Variants in DLG2 observed in about 807,000 individuals in gnomAD.
DLG2 encodes disks large homolog 2.
A neutral mutation model predicts 132.5 loss-of-function variants in DLG2; 45 were observed. That is an observed-to-expected ratio of 0.34 (90% CI 0.27 to 0.44). DLG2 has a LOEUF of 0.44. DLG2 is among the 20% of genes least tolerant of loss of function. The probability of loss-of-function intolerance (pLI) is 1.00; values close to 1 mark genes in which losing one functional copy is unlikely to be tolerated. For missense variants in DLG2, 1,045 were observed against 1,196.9 expected (o/e 0.87, Z 1.87); for synonymous variants, 424 against 419.6 (o/e 1.01, Z -0.13).
chr11:83,986,990 T>C (rs1388008994), intron 11 of DLG2, among the ~76,000 whole-genome samples: 2 of 152,112 alleles, frequency 1.3e-5, no homozygotes, highest in Non-Finnish European at 1.5e-5. Context: ...GTTGCGAAAA[T>C]TTTCTCCCAT....
intron 6 of DLG2, among the ~76,000 whole-genome samples, chr11:85,034,165 C>T (rs1380867720): frequency 1.3e-5 from 2 of 151,790 alleles, no homozygotes; most frequent in African/African-American, 4.8e-5. Context: ...GCAAGCTCCA[C>T]CTCCCAGGTT....
chr11:85,473,529 A>G (rs1408769835), intron 3 of DLG2, among the ~76,000 whole-genome samples: 1 of 152,214 alleles, frequency 6.6e-6, no homozygotes, highest in African/African-American at 2.4e-5. Context: ...GACCAGAGTG[A>G]AGAAATAAAT....
At chr11:84,857,123 C>T (rs896008023) in intron 6 of DLG2, among the ~76,000 whole-genome samples, 1 of 151,186 alleles carries the variant, frequency 6.6e-6, no homozygotes, top group Non-Finnish European at 1.5e-5. Flanking sequence ...TGGGCAAAAA[C>T]AGTTAGAGAT....
intron 9 of DLG2, among the ~76,000 whole-genome samples, chr11:84,137,850 C>A (rs1279900093): frequency 6.6e-6 from 1 of 152,120 alleles, no homozygotes; most frequent in Non-Finnish European, 1.5e-5. Context: ...GTCAGTGCTG[C>A]CTTCATTTAA....
In DLG2 at chr11:85,498,235, A is replaced by T. The variant is rs1025915254; in HGVS notation, c.40+100422T>A. On this transcript the variant is annotated intron_variant, in intron 3 of 27. Coordinates refer to ENST00000376104, the MANE Select transcript of DLG2 (RefSeq NM_001142699.3). ...GCTCAAAATAAAGGGATGGAGGAAG[A>T]TCTACAAAGCAAATGGAAAGCAAAA... 4.6e-5 allele frequency among the ~76,000 whole-genome samples: 7 copies of T among 152,332 alleles called. No homozygotes were observed. The East Asian group carries it at 1.3e-3, about 29-fold the overall frequency.
At chr11:85,283,890 A>C (rs2078392777) in intron 4 of DLG2, among the ~76,000 whole-genome samples, 1 of 151,802 alleles carries the variant, frequency 6.6e-6, no homozygotes, top group South Asian at 2.1e-4. Flanking sequence ...CAGTTAGAAA[A>C]AAAAAAAAAA....
chr11:84,696,758 T>C (rs538160852), intron 6 of DLG2, among the ~76,000 whole-genome samples: 1 of 151,436 alleles, frequency 6.6e-6, no homozygotes, highest in African/African-American at 2.4e-5. Context: ...ATGTGAAGGA[T>C]ACATATGGAG....
intron 11 of DLG2, among the ~76,000 whole-genome samples, chr11:84,006,470 T>C (rs530752282): frequency 2.0e-5 from 3 of 151,576 alleles, no homozygotes; most frequent in Non-Finnish European, 4.4e-5. Flanking sequence ...AGAATAAGTA[T>C]TTAAGTATTT....
chr11:84,374,014 G>A (rs150217600), intron 7 of DLG2, among the ~76,000 whole-genome samples: 1 of 152,116 alleles, frequency 6.6e-6, no homozygotes, highest in Non-Finnish European at 1.5e-5. Context: ...TGCGTTGAGA[G>A]GTTCCTCCTG....
intron 18 of DLG2, among the ~76,000 whole-genome samples, chr11:83,664,772 T>C (rs2075153485): frequency 1.3e-5 from 2 of 152,222 alleles, no homozygotes; most frequent in Non-Finnish European, 2.9e-5. Context: ...AGCTAACTGA[T>C]GTCTATGTGC....
intron 7 of DLG2, among the ~76,000 whole-genome samples, chr11:84,437,060 T>C (rs2099002942): frequency 1.3e-5 from 2 of 152,192 alleles, no homozygotes; most frequent in Admixed American, 1.3e-4. Context: ...TAGAGAGCTC[T>C]CTGAACAAGC....
intron 6 of DLG2, among the ~76,000 whole-genome samples, chr11:84,564,630 A>G (rs1045442328): frequency 7.2e-5 from 11 of 152,176 alleles, no homozygotes; most frequent in African/African-American, 2.4e-4. Context: ...GTTTTTCTTT[A>G]ACAAAAAGCT....
At chr11:83,812,634 C>T (rs574814139) in intron 17 of DLG2, among the ~76,000 whole-genome samples, 3 of 152,272 alleles carry the variant, frequency 2.0e-5, no homozygotes, top group Admixed American at 6.5e-5. Context: ...AGTAGATATA[C>T]TGTGAAAATC....
At position 84,617,092 on chromosome 11, in the gene DLG2, G is replaced by A. The variant is rs571597811; in HGVS notation, c.358-82361C>T. 4.0e-5 allele frequency among the ~76,000 whole-genome samples: 6 copies of A among 151,608 alleles called. No homozygotes were observed. In the South Asian group the frequency reaches 6.3e-4, roughly 16 times the overall value. ...GGTGGTTTGATGCACCCATCAACCC[G>A]TCAACCAGATTAGGTATTTCTCCTA... On this transcript the variant is annotated intron_variant, in intron 6 of 27. Transcript: ENST00000376104.
chr11:83,572,589 C>T (rs2096815236), intron 19 of DLG2, among the ~76,000 whole-genome samples: 1 of 152,166 alleles, frequency 6.6e-6, no homozygotes, highest in Non-Finnish European at 1.5e-5. Context: ...CAGAAAGCTA[C>T]ATGCGCAGTG....
intron 6 of DLG2, among the ~76,000 whole-genome samples, chr11:84,835,229 T>A (rs929520289): frequency 6.6e-6 from 1 of 151,606 alleles, no homozygotes; most frequent in East Asian, 1.9e-4. Context: ...GTTTTGAAAA[T>A]TTTTTTAATC....
In DLG2 at chr11:84,599,694, G is replaced by A. The variant is rs1410100794; in HGVS notation, c.358-64963C>T. On this transcript the variant is annotated intron_variant, in intron 6 of 27. Transcript: ENST00000376104. The stretch of plus-strand genomic sequence containing the variant: ...ATTCAGGTATAAAGTGGTACTCTGA[G>A]GCCAATTTAGCTTCTATGCCTTATG... Among the ~76,000 whole-genome samples, 4 of 152,074 alleles carry A rather than the reference G, an allele frequency of 2.6e-5. No homozygotes were observed. In the East Asian group the frequency reaches 7.7e-4, roughly 29 times the overall value.
chr11:84,047,607 C>A (rs907694209), intron 11 of DLG2, among the ~76,000 whole-genome samples: 1 of 151,418 alleles, frequency 6.6e-6, no homozygotes. Flanking sequence ...TGTTGAAAAA[C>A]CAAAAGTACA....
At chr11:83,801,381 A>T (rs770044073) in intron 17 of DLG2, among the ~76,000 whole-genome samples, 1 of 152,116 alleles carries the variant, frequency 6.6e-6, no homozygotes, top group African/African-American at 2.4e-5. Context: ...CTCCTCTGCT[A>T]AAATCTTTCT....
Sources: gnomAD v4.1 joint callset for allele counts (sites outside exome capture counted in the v4.1 genomes callset) on GRCh38, gnomAD v4.1.1 for gene constraint, MANE v1.5 for transcripts, NCBI Gene and HGNC (gene_info 2026-07-23, HGNC 2026-07-21) for gene names.